Variants in NAV3 observed in about 807,000 individuals in gnomAD.
NAV3 encodes pore membrane and/or filament interacting like protein 1.
In NAV3, 87 loss-of-function variants were observed where a neutral mutation model predicts 244.7. The observed-to-expected ratio is 0.36, with a 90% CI of 0.30 to 0.42. The LOEUF is 0.42. Among genes scored for constraint, NAV3 ranks in the 20% least tolerant of loss-of-function variants. NAV3 has a pLI of 1.00. For synonymous variants in NAV3, 1,126 were observed against 1,042.2 expected (o/e 1.08, Z -1.55); for missense variants, 2,663 against 2,893.3 (o/e 0.92, Z 1.83).
At chr12:77,716,068 C>A (rs1003656454) in intron 2 of NAV3, among the ~76,000 whole-genome samples, 2 of 151,992 alleles carry the variant, frequency 1.3e-5, no homozygotes, top group African/African-American at 4.8e-5. Flanking sequence ...ATAACTGTAA[C>A]TTTGAATCTC....
intron 12 of NAV3, among the ~76,000 whole-genome samples, chr12:78,069,923 G>A (rs865824906): frequency 4.0e-5 from 6 of 151,896 alleles, no homozygotes; most frequent in South Asian, 2.1e-4. Flanking sequence ...TAAACTATCA[G>A]GAATTATAGT....
chr12:78,051,306 A>G lies in NAV3; in HGVS notation c.2516+159A>G, dbSNP rs561850574. 5.3e-5 allele frequency among the ~76,000 whole-genome samples: 8 copies of G among 152,330 alleles called. No individual in the cohort carries two copies. In the East Asian group the frequency reaches 1.4e-3, roughly 26 times the overall value. ...GTGTTGAAGGGCCCTTCCTCTGCTC[A>G]TTCATGGAGAGTAAAGAATCCAAGA... is the stretch of plus-strand genomic sequence containing the variant. On this transcript the variant is annotated intron_variant, in intron 11 of 39. Transcript: ENST00000397909.
intron 12 of NAV3, among the ~76,000 whole-genome samples, chr12:78,075,974 C>A (rs781686610): frequency 6.6e-6 from 1 of 152,144 alleles, no homozygotes; most frequent in Non-Finnish European, 1.5e-5. Flanking sequence ...GAAACAATCA[C>A]GGAAGCCAAA....
chr12:78,063,681 GGGAGTAT>G (rs1171870937), intron 12 of NAV3, among the ~76,000 whole-genome samples: 1 of 152,116 alleles, frequency 6.6e-6, no homozygotes, highest in African/African-American at 2.4e-5. Context: ...ACTCCTACCT[GGGAGTAT>G]AAAGGAAAGA....
At chr12:77,615,594 C>A (rs917765791) in intron 2 of NAV3, among the ~76,000 whole-genome samples, 3 of 152,152 alleles carry the variant, frequency 2.0e-5, no homozygotes, top group Non-Finnish European at 2.9e-5. Context: ...TATATATGTA[C>A]CACATTCTCC....
intron 12 of NAV3, among the ~76,000 whole-genome samples, chr12:78,102,364 A>G (rs1328394937): frequency 6.6e-6 from 1 of 152,236 alleles, no homozygotes; most frequent in East Asian, 1.9e-4. Flanking sequence ...GGACATGCTG[A>G]TGCAAGAGAT....
At chr12:78,137,092 G>T (rs1275561601) in intron 18 of NAV3, 85 bp from the exon 19 acceptor site, 3 of 1,248,122 alleles carry the variant, frequency 2.4e-6, no homozygotes, top group African/African-American at 1.5e-5. Flanking sequence ...CATAAGTATT[G>T]GGATCATGTT....
chr12:78,003,927 T>A (rs1193562580), intron 7 of NAV3, among the ~76,000 whole-genome samples: 1 of 152,232 alleles, frequency 6.6e-6, no homozygotes, highest in Admixed American at 6.5e-5. Flanking sequence ...TCCCCATTTA[T>A]ATCCTGCTCA....
At chr12:78,153,263 C>T (rs1381079082) in intron 22 of NAV3, among the ~76,000 whole-genome samples, 1 of 152,036 alleles carries the variant, frequency 6.6e-6, no homozygotes. Flanking sequence ...GCTCACCTCT[C>T]ATTTGACTGG....
Position 77,731,147 on chromosome 12 carries a change from G to A in NAV3, c.72+158881G>A, listed in dbSNP as rs778582926. On this transcript the variant is annotated intron_variant, in intron 2 of 8. Transcript: ENST00000550042. Reference sequence around the variant, plus strand: ...AGATTCAGAAATTGGAGGATTCAGTGCAGAAGAGAGGCAAAGGTAATCCCA... The same window carrying A: ...AGATTCAGAAATTGGAGGATTCAGTACAGAAGAGAGGCAAAGGTAATCCCA... Among the ~76,000 whole-genome samples the A allele has an allele frequency of 1.3e-4, 20 of 152,098 alleles. No homozygotes were observed. The East Asian group carries it at 3.7e-3, about 28-fold the overall frequency.
chr12:77,878,222 T>TTTTTG (rs1217861103), intron 1 of NAV3, among the ~76,000 whole-genome samples: 1 of 152,018 alleles, frequency 6.6e-6, no homozygotes, highest in East Asian at 1.9e-4. Flanking sequence ...AGTAATTTTG[T>TTTTTG]TTTTGTTTTG....
intron 12 of NAV3, among the ~76,000 whole-genome samples, chr12:78,095,369 G>A (rs1304769594): frequency 2.0e-5 from 3 of 152,048 alleles, no homozygotes; most frequent in Non-Finnish European, 4.4e-5. Context: ...GAAAGAATAT[G>A]AATATAAACA....
chr12:77,912,845 C>G (rs1238549324), intron 1 of NAV3, among the ~76,000 whole-genome samples: 1 of 152,104 alleles, frequency 6.6e-6, no homozygotes, highest in Non-Finnish European at 1.5e-5. Context: ...CTCCTGACCT[C>G]ACGTGATCCA....
chr12:77,639,698 C>T (rs967817128), intron 2 of NAV3, among the ~76,000 whole-genome samples: 6 of 152,154 alleles, frequency 3.9e-5, no homozygotes, highest in Admixed American at 6.6e-5. Flanking sequence ...GGTGTAAGAA[C>T]ATACAGTCTA....
upstream of NAV3, among the ~76,000 whole-genome samples, chr12:77,828,219 C>A (rs1455249573): frequency 6.6e-6 from 1 of 152,058 alleles, no homozygotes; most frequent in Admixed American, 6.6e-5. Flanking sequence ...GCGAGCTTGG[C>A]CCTTTCTGTC....
chr12:78,043,344 G>A (rs1434629002), intron 9 of NAV3, among the ~76,000 whole-genome samples: 1 of 152,136 alleles, frequency 6.6e-6, no homozygotes, highest in African/African-American at 2.4e-5. Flanking sequence ...ATGGGCATTT[G>A]GGTTGGTTCC....
At chr12:78,060,470 A>T (rs939709854) in intron 12 of NAV3, among the ~76,000 whole-genome samples, 3 of 107,106 alleles carry the variant, frequency 2.8e-5, no homozygotes, top group Admixed American at 2.7e-4. Context: ...GGTGTGAAGC[A>T]TGTGTATGTG....
chr12:77,939,917 A>G (rs989883083), intron 1 of NAV3, among the ~76,000 whole-genome samples: 1 of 152,182 alleles, frequency 6.6e-6, no homozygotes, highest in Non-Finnish European at 1.5e-5. Flanking sequence ...GAGAAACACA[A>G]TTTTTTATAG....
intron 1 of NAV3, among the ~76,000 whole-genome samples, chr12:77,897,991 A>C (rs2136868345): frequency 6.6e-6 from 1 of 152,266 alleles, no homozygotes; most frequent in Non-Finnish European, 1.5e-5. Flanking sequence ...TTTCCTTTTA[A>C]GCACCTATAT....
Sources: allele counts gnomAD v4.1 joint callset (sites outside exome capture counted in the v4.1 genomes callset), GRCh38; gene constraint gnomAD v4.1.1; transcripts MANE v1.5; gene names NCBI Gene and HGNC (gene_info 2026-07-23, HGNC 2026-07-21).